Variants in CAMK2B observed in about 807,000 individuals in gnomAD.
CAMK2B encodes calcium/calmodulin dependent protein kinase II beta.
Under a neutral mutation model 93.7 loss-of-function variants are expected in CAMK2B, and 27 were observed. The ratio of observed to expected loss-of-function variants is 0.29; its 90% CI spans 0.21 to 0.40. CAMK2B has a LOEUF of 0.40. Ranked by LOEUF, CAMK2B falls within the 10% of genes least tolerant of loss-of-function variation. The pLI, the probability that CAMK2B is intolerant of heterozygous loss-of-function variation, is 1.00. For missense variants in CAMK2B, 568 were observed against 895.8 expected (o/e 0.63, Z 4.67); for synonymous variants, 374 against 358.8 (o/e 1.04, Z -0.48).
At chr7:44,221,262 T>G (rs2096401005) in intron 20 of CAMK2B, among the ~76,000 whole-genome samples, 1 of 152,110 alleles carries the variant, frequency 6.6e-6, no homozygotes, top group Non-Finnish European at 1.5e-5. Flanking sequence ...CCTCCTGCCC[T>G]CCCGTGAGCC....
Position 44,325,343 on chromosome 7 carries a change from G to T in CAMK2B, c.65+14C>A, listed in dbSNP as rs772850743. On this transcript the variant is annotated intron_variant, in intron 1 of 23. Transcript: ENST00000395749. ...GGGGTCCCCGGCCCAGCCCGCGCGC[G>T]CCGCTGCTCTTACTTGCCAATATCC... The T allele has an allele frequency of 7.3e-6, 9 of 1,235,670 alleles. No homozygotes were observed. Among genetic ancestry groups the T allele is most frequent in the Non-Finnish European group, 7.3e-6 (7 of 959,956 alleles). 76.5% of individuals were successfully genotyped at this position (1,235,670 alleles called of 1,614,324 possible).
At chr7:44,273,411 G>A (rs1445404174) in intron 2 of CAMK2B, among the ~76,000 whole-genome samples, 2 of 152,154 alleles carry the variant, frequency 1.3e-5, no homozygotes, top group East Asian at 1.9e-4. Context: ...CTCACAAATC[G>A]GGTGAGTAGG....
intron 5 of CAMK2B, among the ~76,000 whole-genome samples, chr7:44,253,790 G>C (rs1301093636): frequency 6.6e-6 from 1 of 151,844 alleles, no homozygotes; most frequent in African/African-American, 2.4e-5. Context: ...TAGAGAGGGG[G>C]TCTCATTATA....
At chr7:44,276,427 C>T (rs1249449488) in intron 2 of CAMK2B, among the ~76,000 whole-genome samples, 3 of 151,948 alleles carry the variant, frequency 2.0e-5, no homozygotes, top group African/African-American at 7.3e-5. Flanking sequence ...GGAGGCAGCA[C>T]CCCCCCGCCA....
In CAMK2B at chr7:44,248,523, T is replaced by C. The variant is rs1584179572; in HGVS notation, c.342-1331A>G. Among the ~76,000 whole-genome samples, 1 of 152,350 alleles carries C rather than the reference T, an allele frequency of 6.6e-6. No individual in the cohort carries two copies. Among genetic ancestry groups the C allele is most frequent in the Non-Finnish European group, 1.5e-5 (1 of 68,034 alleles). The stretch of plus-strand genomic sequence containing the variant: ...TTGCCACAGGCTGCCGATGCCCACC[T>C]GCCTGGGGTCTCAGTCACCGCCCCA... On this transcript the variant is annotated intron_variant, in intron 5 of 23. Coordinates refer to ENST00000395749, the MANE Select transcript of CAMK2B (RefSeq NM_001220.5). This position sits in a 1 kb window ranked among gnomAD's most constrained non-coding sequence, Gnocchi z 4.1.
chr7:44,293,095 CA>C lies in CAMK2B; in HGVS notation c.66-8871del, dbSNP rs533770677. On this transcript the variant is annotated intron_variant, in intron 1 of 23. Transcript: ENST00000395749. ...CCTGGGGACCACGTGCCCCTCCCAT[CA>C]GAGCCCCTCTCCCAGGGGCAGCGCC... Among the ~76,000 whole-genome samples, 733 of 152,288 alleles carry C rather than the reference CA, an allele frequency of 4.8e-3. 4 individuals carry two copies. The highest frequency in any genetic ancestry group is 9.1e-3 in the South Asian group (44 of 4,826).
Position 44,234,501 on chromosome 7 carries a change from C to T in CAMK2B, c.1060-40G>A, listed in dbSNP as rs965228385. 2.5e-6 allele frequency: 4 copies of T among 1,573,758 alleles called. No homozygotes were observed. In the African/African-American group the frequency reaches 4.1e-5, roughly 16 times the overall value. The stretch of plus-strand genomic sequence containing the variant: ...AAGAGGAACTCTTAGGTGGGAGAAG[C>T]CCCTCACTCGCCATTCCCTGTCCCG... On this transcript the variant is annotated intron_variant, in intron 14 of 23. Coordinates refer to ENST00000395749, the MANE Select transcript of CAMK2B (RefSeq NM_001220.5).
intron 1 of CAMK2B, among the ~76,000 whole-genome samples, chr7:44,310,079 G>T (rs192869970): frequency 6.6e-6 from 1 of 152,258 alleles, no homozygotes; most frequent in Non-Finnish European, 1.5e-5. Context: ...CCGGGCGGGG[G>T]CGGGGGCGCT....
chr7:44,305,766 C>T (rs1338686422), intron 1 of CAMK2B, among the ~76,000 whole-genome samples: 1 of 152,238 alleles, frequency 6.6e-6, no homozygotes, highest in Non-Finnish European at 1.5e-5. Context: ...CACTCCATCA[C>T]TCGGTCACGC....
chr7:44,289,385 C>T (rs1786098574), intron 1 of CAMK2B, among the ~76,000 whole-genome samples: 1 of 152,202 alleles, frequency 6.6e-6, no homozygotes, highest in African/African-American at 2.4e-5. Flanking sequence ...TTCGCCTTGC[C>T]CCCAGCAGGA....
intron 2 of CAMK2B, 50 bp downstream of exon 2, chr7:44,284,080 GC>G: frequency 7.1e-7 from 1 of 1,413,514 alleles, no homozygotes; most frequent in Non-Finnish European, 1.0e-6. Flanking sequence ...GGCCTCCAAA[GC>G]CCCTGCCCCA....
intron 6 of CAMK2B, among the ~76,000 whole-genome samples, chr7:44,246,886 G>C (rs1195246054): frequency 6.6e-6 from 1 of 151,944 alleles, no homozygotes; most frequent in African/African-American, 2.4e-5. Flanking sequence ...ATGCACACAT[G>C]CCTCCACACA....
At chr7:44,243,558 T>C (rs375524760) in intron 6 of CAMK2B, 31 bp from the exon 7 acceptor site, 315 of 1,587,552 alleles carry the variant, frequency 2.0e-4, no homozygotes, top group Non-Finnish European at 2.6e-4. Flanking sequence ...CAAGGGTGCA[T>C]GTTGTTTAAA....
chr7:44,317,887 G>T (rs560583277), intron 1 of CAMK2B, among the ~76,000 whole-genome samples: 12 of 152,142 alleles, frequency 7.9e-5, no homozygotes, highest in African/African-American at 2.9e-4. Context: ...CTGGCCTCAG[G>T]TGCAGACTCC....
intron 16 of CAMK2B, among the ~76,000 whole-genome samples, chr7:44,232,460 G>T (rs1305913936): frequency 6.6e-6 from 1 of 152,152 alleles, no homozygotes; most frequent in African/African-American, 2.4e-5. Flanking sequence ...TGAGGGAGGT[G>T]GGGTGGAGGA....
At chr7:44,280,870 T>C (rs981802015) in intron 2 of CAMK2B, among the ~76,000 whole-genome samples, 6 of 152,118 alleles carry the variant, frequency 3.9e-5, no homozygotes, top group Non-Finnish European at 8.8e-5. Context: ...GAAACGCCCA[T>C]GTGGCAAAAC....
In CAMK2B at chr7:44,231,066, C is replaced by T. The variant is rs191436435; in HGVS notation, c.1177-12G>A. On this transcript the variant is annotated splice_polypyrimidine_tract_variant and intron_variant, in intron 16 of 23. Coordinates refer to ENST00000395749, the MANE Select transcript of CAMK2B (RefSeq NM_001220.5). ...CTGTCAGAAGACTCCTGAGGAAACA[C>T]GGGAGGCAGCGGGTCAGGATGCGGC... 3.7e-4 allele frequency: 548 copies of T among 1,484,270 alleles called. 5 individuals are homozygous for T. In the African/African-American group the frequency reaches 4.9e-3, roughly 13 times the overall value. 91.9% of individuals were successfully genotyped at this position (1,484,270 alleles called of 1,614,324 possible). A position where few individuals can be genotyped will look rare whatever the true frequency, so the allele number is the denominator to read the frequency against.
Position 44,232,843 on chromosome 7 carries a change from A to G in CAMK2B, c.1155T>C (p.His385=), listed in dbSNP as rs141889899. The change falls in exon 16 of 24, where the codon CAT becomes CAC. Residue 385 remains histidine (H), a synonymous_variant. Transcript: ENST00000395749. ...GTACCTTAATCCCGTCCACTGGGTT[A>G]TGGATGACGGTGGTTTGAGGCTCCT... ...AALEPQTTVI[H]NPVDGIKESS... 12 of 1,613,958 alleles carry G rather than the reference A, an allele frequency of 7.4e-6. No individual in the cohort carries two copies. In the African/African-American group the frequency reaches 1.3e-4, roughly 18 times the overall value.
At chr7:44,289,275 C>T (rs998709820) in intron 1 of CAMK2B, among the ~76,000 whole-genome samples, 5 of 152,200 alleles carry the variant, frequency 3.3e-5, no homozygotes, top group Admixed American at 6.5e-5. Context: ...CTGCGGCCCT[C>T]GCCAGCTGCC....
Sources: allele counts gnomAD v4.1 joint callset (sites outside exome capture counted in the v4.1 genomes callset), GRCh38; gene constraint gnomAD v4.1.1; non-coding constraint Gnocchi (gnomAD v3.1); transcripts MANE v1.5; gene names NCBI Gene and HGNC (gene_info 2026-07-23, HGNC 2026-07-21).